SYT14: variants seen among roughly 807,000 people sequenced by gnomAD.
SYT14 encodes the protein synaptotagmin 14, also known as synaptotagmin-14.
In SYT14, 32 loss-of-function variants were observed where a neutral mutation model predicts 74.2. That is an observed-to-expected ratio of 0.43 (90% CI 0.33 to 0.58). The LOEUF (loss-of-function observed/expected upper bound fraction) is 0.58, where lower values mean the gene tolerates loss of function less well. SYT14 is among the 20% of genes least tolerant of loss of function. The probability of loss-of-function intolerance (pLI) is 0.05; values close to 1 mark genes in which losing one functional copy is unlikely to be tolerated. For missense variants in SYT14, 791 were observed against 981.8 expected, an observed-to-expected ratio of 0.81 and a Z score of 2.60; for synonymous variants, 298 against 337.7, an observed-to-expected ratio of 0.88 and a Z score of 1.29.
chr1:209,997,196 C>T (rs923978394), intron 2 of SYT14, among the ~76,000 whole-genome samples: 3 of 151,842 alleles, frequency 2.0e-5, no homozygotes, highest in African/African-American at 7.2e-5. Context: ...TTTTTGCTGA[C>T]GATATGATTC....
chr1:210,050,109 A>G (rs888438924), intron 5 of SYT14, among the ~76,000 whole-genome samples: 1 of 152,194 alleles, frequency 6.6e-6, no homozygotes, highest in African/African-American at 2.4e-5. Context: ...CAAATTTTCC[A>G]AACTTTTATG....
intron 7 of SYT14, among the ~76,000 whole-genome samples, chr1:210,103,234 G>A (rs2082100647): frequency 1.3e-5 from 2 of 152,078 alleles, no homozygotes; most frequent in Non-Finnish European, 2.9e-5. Context: ...TAAACAGTGA[G>A]TTTCCCTGAG....
chr1:210,012,371 G>A (rs368004178), intron 2 of SYT14, among the ~76,000 whole-genome samples: 2 of 152,208 alleles, frequency 1.3e-5, no homozygotes, highest in Admixed American at 1.3e-4. Flanking sequence ...AATGCCTGGT[G>A]TATGGTTGGT....
intron 7 of SYT14, 147 bp downstream of exon 6, chr1:210,100,608 GGATA>G: frequency 1.3e-6 from 1 of 777,990 alleles, no homozygotes; most frequent in Non-Finnish European, 2.1e-6. Context: ...TCTAAGCCCT[GGATA>G]GATAGATATA....
intron 2 of SYT14, among the ~76,000 whole-genome samples, chr1:209,979,881 T>C (rs2079449129): frequency 1.3e-5 from 2 of 152,196 alleles, no homozygotes; most frequent in Admixed American, 1.3e-4. Context: ...TGATTCCACG[T>C]CTTTGCTATT....
chr1:209,973,571 A>G (rs888161864), intron 2 of SYT14, among the ~76,000 whole-genome samples: 1 of 152,212 alleles, frequency 6.6e-6, no homozygotes. Context: ...ATAGTATTCC[A>G]TGGTGTATAT....
At chr1:209,938,269 C>T in exon 1 of SYT14, 2 of 1,562,506 alleles carry the variant, frequency 1.3e-6, no homozygotes, top group African/African-American at 1.4e-5. Context: ...CGCATCATGG[C>T]GATTGAAGGT....
chr1:210,141,262 C>T (rs763931759), intron 7 of SYT14, among the ~76,000 whole-genome samples: 1 of 152,110 alleles, frequency 6.6e-6, no homozygotes, highest in African/African-American at 2.4e-5. Context: ...TTGTTAAATA[C>T]ATTCCTAAGT....
At chr1:210,105,570 C>G (rs2082143333) in intron 7 of SYT14, among the ~76,000 whole-genome samples, 1 of 152,206 alleles carries the variant, frequency 6.6e-6, no homozygotes, top group Non-Finnish European at 1.5e-5. Flanking sequence ...TCTACCCTGG[C>G]TGATAAAACA....
intron 5 of SYT14, among the ~76,000 whole-genome samples, chr1:210,060,276 A>G (rs1168778546): frequency 6.6e-6 from 1 of 152,134 alleles, no homozygotes; most frequent in Non-Finnish European, 1.5e-5. Flanking sequence ...GATCTAAGGT[A>G]AGGTCCATTC....
At chr1:209,981,450 CTT>C (rs1183885685) in intron 2 of SYT14, among the ~76,000 whole-genome samples, 3,595 of 98,930 alleles carry the variant, frequency 0.036, 200 homozygotes, top group Admixed American at 0.23. Flanking sequence ...TTTTTCTTTT[CTT>C]TTTTTTTTTT....
rs549400539 is a variant in SYT14 at position 210,068,532 on chromosome 1, G to A, written c.1313-25790G>A. Among the ~76,000 whole-genome samples the A allele has an allele frequency of 3.4e-4, 52 of 151,452 alleles. No homozygotes were observed. The East Asian group carries it at 9.1e-3, about 26-fold the overall frequency. ...ACCTATGAAATCACTTGTATCTTAC[G>A]AGTTTTTTTATAGATAGATTTTTAT... On this transcript the variant is annotated intron_variant, in intron 5 of 9. Transcript: ENST00000637265.
chr1:210,049,234 C>T (rs1479822974), intron 5 of SYT14, among the ~76,000 whole-genome samples: 1 of 152,152 alleles, frequency 6.6e-6, no homozygotes, highest in East Asian at 1.9e-4. Flanking sequence ...CCAGTAGGGA[C>T]TCTGTGTGGG....
chr1:210,166,847 C>A (rs2083461079), exon 10 of SYT14: 2 of 151,902 alleles, frequency 1.3e-5, no homozygotes, highest in Non-Finnish European at 2.9e-5. Context: ...GTAGATCAGA[C>A]CTTTAAGTGT....
chr1:210,094,710 T>C (rs2081938880), intron 6 of SYT14, 117 bp downstream of exon 5: 1 of 1,189,842 alleles, frequency 8.4e-7, no homozygotes, highest in African/African-American at 1.5e-5. Flanking sequence ...TAACTTATAG[T>C]ACCAGTATCC....
chr1:210,014,335 A>G (rs747385456), intron 3 of SYT14, among the ~76,000 whole-genome samples: 2 of 151,688 alleles, frequency 1.3e-5, no homozygotes, highest in African/African-American at 2.4e-5. Flanking sequence ...TTGGCACCAT[A>G]TATTATAGTG....
intron 2 of SYT14, among the ~76,000 whole-genome samples, chr1:209,977,967 C>A (rs1220580938): frequency 6.6e-6 from 1 of 152,186 alleles, no homozygotes; most frequent in African/African-American, 2.4e-5. Flanking sequence ...GATCTTCCAT[C>A]ACTGATACCC....
At chr1:210,133,443 A>C (rs1473056666) in intron 7 of SYT14, among the ~76,000 whole-genome samples, 1 of 152,238 alleles carries the variant, frequency 6.6e-6, no homozygotes, top group East Asian at 1.9e-4. Flanking sequence ...AAATGAGTTA[A>C]TAGATATTGT....
intron 2 of SYT14, among the ~76,000 whole-genome samples, chr1:209,968,100 A>G (rs1239812997): frequency 6.6e-6 from 1 of 152,192 alleles, no homozygotes; most frequent in Non-Finnish European, 1.5e-5. Context: ...AGACTGTACT[A>G]TGGCAAGAAA....
Sources: allele counts gnomAD v4.1 joint callset (sites outside exome capture counted in the v4.1 genomes callset), GRCh38; gene constraint gnomAD v4.1.1; transcripts MANE v1.5; gene names NCBI Gene and HGNC (gene_info 2026-07-23, HGNC 2026-07-21).